SLC7A5: variants seen among roughly 807,000 people sequenced by gnomAD.
SLC7A5 encodes solute carrier family 7 member 5, also known as large neutral amino acids transporter small subunit 1.
Under a neutral mutation model 50.2 loss-of-function variants are expected in SLC7A5, and 23 were observed. That is an observed-to-expected ratio of 0.46 (90% CI 0.33 to 0.65). The LOEUF is 0.65. Among genes scored for constraint, SLC7A5 ranks in the 30% least tolerant of loss-of-function variants. The probability of loss-of-function intolerance (pLI) is 0.02; values close to 1 mark genes in which losing one functional copy is unlikely to be tolerated. For missense variants in SLC7A5, 578 were observed against 684.4 expected, an observed-to-expected ratio of 0.84 and a Z score of 1.73; for synonymous variants, 393 against 330.6, an observed-to-expected ratio of 1.19 and a Z score of -2.05.
intron 6 of SLC7A5, among the ~76,000 whole-genome samples, chr16:87,838,512 C>T (rs778293804): frequency 8.5e-5 from 13 of 152,238 alleles, no homozygotes; most frequent in Non-Finnish European, 1.3e-4. Flanking sequence ...AGGCTGGTCT[C>T]GAACTCCTGA....
chr16:87,849,525 C>A (rs2055193585), intron 2 of SLC7A5, among the ~76,000 whole-genome samples: 1 of 152,190 alleles, frequency 6.6e-6, no homozygotes, highest in Admixed American at 6.5e-5. Flanking sequence ...CGTTCCCCTC[C>A]TAAATCTTTC....
intron 1 of SLC7A5, among the ~76,000 whole-genome samples, chr16:87,866,130 C>T (rs1005889723): frequency 3.9e-5 from 6 of 152,130 alleles, no homozygotes; most frequent in African/African-American, 1.4e-4. Context: ...ACACTTGTTC[C>T]TGCCGACACA....
chr16:87,853,026 C>T lies in SLC7A5; in HGVS notation c.539-1177G>A, dbSNP rs1210508409. ...GGCCCAGCACGGGCCACCCACACAGCTCAGATCTCACAGCCCTCCCGGCAC... is the reference window on the plus strand; with the variant it reads ...GGCCCAGCACGGGCCACCCACACAGTTCAGATCTCACAGCCCTCCCGGCAC... On this transcript the variant is annotated intron_variant, in intron 1 of 9. Coordinates refer to ENST00000261622, the MANE Select transcript of SLC7A5 (RefSeq NM_003486.7). The surrounding 1 kb of genome is among the most constrained non-coding windows in gnomAD (Gnocchi z 4.4). 1.3e-5 allele frequency among the ~76,000 whole-genome samples: 2 copies of T among 152,210 alleles called. No individual in the cohort carries two copies. The highest frequency in any genetic ancestry group is 2.9e-5 in the Non-Finnish European group (2 of 68,046).
At chr16:87,834,192 T>C (rs1447426073) in intron 9 of SLC7A5, among the ~76,000 whole-genome samples, 1 of 152,156 alleles carries the variant, frequency 6.6e-6, no homozygotes, top group East Asian at 1.9e-4. Flanking sequence ...GTAGCCTGGT[T>C]TTCCGGAATC....
chr16:87,840,318 C>A, intron 4 of SLC7A5, 111 bp downstream of exon 4: 1 of 995,918 alleles, frequency 1.0e-6, no homozygotes, highest in Non-Finnish European at 1.6e-6. Flanking sequence ...CAATCACGGC[C>A]CGACTGTGAA....
Position 87,836,491 on chromosome 16 carries a change from G to T in SLC7A5, c.1290+7C>A. On this transcript the variant is annotated splice_region_variant and intron_variant, in intron 8 of 9. Coordinates refer to ENST00000261622, the MANE Select transcript of SLC7A5 (RefSeq NM_003486.7). ...GTGCCTGGGTGAGCGGGAGGCCCCG[G>T]GCTCACCTTGATGGGCCGCTCAAGC... 1 of 1,609,214 alleles carries T rather than the reference G, an allele frequency of 6.2e-7. No homozygotes were observed. Among genetic ancestry groups the T allele is most frequent in the South Asian group, 1.1e-5 (1 of 91,078 alleles).
intron 8 of SLC7A5, among the ~76,000 whole-genome samples, chr16:87,835,768 C>T (rs573633356): frequency 6.6e-6 from 1 of 152,292 alleles, no homozygotes; most frequent in East Asian, 1.9e-4. Context: ...GCCACCGCGC[C>T]CAGCCTAAAG....
intron 2 of SLC7A5, among the ~76,000 whole-genome samples, chr16:87,847,528 A>T (rs2055169053): frequency 6.6e-6 from 1 of 152,210 alleles, no homozygotes; most frequent in Non-Finnish European, 1.5e-5. Context: ...AATGTCCTCC[A>T]GACCTCCACC....
intron 2 of SLC7A5, among the ~76,000 whole-genome samples, chr16:87,845,621 G>A (rs371959343): frequency 2.0e-5 from 3 of 152,300 alleles, no homozygotes; most frequent in Non-Finnish European, 2.9e-5. Flanking sequence ...CCTGGGAACC[G>A]TGATGGGGCA....
intron 1 of SLC7A5, among the ~76,000 whole-genome samples, chr16:87,866,300 G>A (rs181399522): frequency 0.012 from 1,822 of 152,230 alleles, 26 homozygotes; most frequent in Middle Eastern, 0.024. Context: ...AGCAGCTCCG[G>A]AAGCATACAC....
chr16:87,832,313 G>T lies in SLC7A5; in HGVS notation c.*657C>A, dbSNP rs77384806. 1 of 152,220 alleles carries T rather than the reference G, an allele frequency of 6.6e-6. No individual in the cohort carries two copies. The highest frequency in any genetic ancestry group is 1.5e-5 in the Non-Finnish European group (1 of 68,078). 9.4% of individuals were successfully genotyped at this position (152,220 alleles called of 1,614,324 possible). On this transcript the variant is annotated 3_prime_UTR_variant, in exon 10 of 10. Transcript: ENST00000261622. This position sits in a 1 kb window ranked among gnomAD's most constrained non-coding sequence, Gnocchi z 4.6. ...GTTCCCTGGCTCAGGATGGTGTCTC[G>T]GGGCTAGGATTATGGTCAGGAGTCC...
Position 87,840,473 on chromosome 16 carries a change from C to A in SLC7A5, c.771G>T (p.Trp257Cys). Reference protein sequence around the residue: ...LYSGLFAYGGWNYLNFVTEEM... With the variant: ...LYSGLFAYGGCNYLNFVTEEM... ...CCTCTGTGACGAAATTCAAGTAATT[C>A]CTAAAATTTAGAGAACAGCGTTCAA... is the stretch of plus-strand genomic sequence containing the variant. Residue 257 changes from tryptophan to cysteine, a missense_variant and splice_region_variant, in exon 4 of 10, where the codon TGG becomes TGT. Physicochemically the swap from Trp to Cys is radical, Grantham distance 215. This residue lies in a region of SLC7A5 where 465 missense variants were observed against 594.6 expected (regional missense o/e 0.78). Transcript: ENST00000261622. 3 of 1,608,684 alleles carry A rather than the reference C, an allele frequency of 1.9e-6. No homozygotes were observed. Among genetic ancestry groups the A allele is most frequent in the Non-Finnish European group, 2.6e-6 (3 of 1,175,410 alleles).
rs2054924916 is a variant in SLC7A5, at chr16:87,830,709, G to A, written c.*2261C>T. 1 of 152,352 alleles carries A rather than the reference G, an allele frequency of 6.6e-6. No individual in the cohort carries two copies. Among genetic ancestry groups the A allele is most frequent in the African/African-American group, 2.4e-5 (1 of 41,456 alleles). 9.4% of individuals were successfully genotyped at this position (152,352 alleles called of 1,614,324 possible). On this transcript the variant is annotated 3_prime_UTR_variant, in exon 10 of 10. Coordinates refer to ENST00000261622, the MANE Select transcript of SLC7A5 (RefSeq NM_003486.7). ...CAGACGCCCAGAAGAGACCTGCGCA[G>A]TGTGAAGACGGACCCCAGCGGCCCC...
intron 6 of SLC7A5, among the ~76,000 whole-genome samples, chr16:87,838,449 G>A (rs2055040351): frequency 6.6e-6 from 1 of 152,046 alleles, no homozygotes; most frequent in South Asian, 2.1e-4. Flanking sequence ...GTGCCACCAC[G>A]CCTGGCTAAT....
chr16:87,843,569 C>T (rs1486681895), intron 2 of SLC7A5, among the ~76,000 whole-genome samples: 1 of 151,944 alleles, frequency 6.6e-6, no homozygotes, highest in East Asian at 1.9e-4. Flanking sequence ...TGACTCCACG[C>T]TACACACAGG....
At chr16:87,851,560 G>A (rs1005969319) in intron 2 of SLC7A5, among the ~76,000 whole-genome samples, 164 bp downstream of exon 2, 4 of 152,244 alleles carry the variant, frequency 2.6e-5, no homozygotes, top group East Asian at 1.9e-4. Context: ...CCTCTGGGTC[G>A]GATTTCACTT....
chr16:87,842,351 G>C (rs1182546923), intron 2 of SLC7A5, among the ~76,000 whole-genome samples: 1 of 152,260 alleles, frequency 6.6e-6, no homozygotes, highest in Non-Finnish European at 1.5e-5. Context: ...GTCACCATGG[G>C]GGCCCAAGAA....
At chr16:87,846,151 C>T (rs929926760) in intron 2 of SLC7A5, among the ~76,000 whole-genome samples, 6 of 152,174 alleles carry the variant, frequency 3.9e-5, no homozygotes, top group African/African-American at 1.2e-4. Context: ...CCAGGTTGTC[C>T]GGAGTGGAGC....
intron 6 of SLC7A5, among the ~76,000 whole-genome samples, chr16:87,838,482 G>A (rs73251331): frequency 0.01 from 1,525 of 152,176 alleles, 25 homozygotes; most frequent in African/African-American, 0.034. Context: ...TTGTAGAAAC[G>A]GGGTTTTGCC....
Sources: allele counts gnomAD v4.1 joint callset (sites outside exome capture counted in the v4.1 genomes callset), GRCh38; gene constraint gnomAD v4.1.1; regional missense constraint gnomAD v4.1.1; non-coding constraint Gnocchi (gnomAD v3.1); transcripts MANE v1.5; gene names NCBI Gene and HGNC (gene_info 2026-07-23, HGNC 2026-07-21).